The following C17orf67 variants were observed in gnomAD, a reference collection of about 807,000 sequenced individuals.
C17orf67 encodes the protein uncharacterized protein C17orf67.
A neutral mutation model predicts 11.2 loss-of-function variants in C17orf67; 12 were observed. The ratio of observed to expected loss-of-function variants is 1.07; its 90% confidence interval spans 0.68 to 1.73. The LOEUF (loss-of-function observed/expected upper bound fraction) is 1.73, where lower values mean the gene tolerates loss of function less well. Ranked by LOEUF, C17orf67 falls within the 40% of genes most tolerant of loss-of-function variation. The probability of loss-of-function intolerance (pLI) is 0.00; values close to 1 mark genes in which losing one functional copy is unlikely to be tolerated. For synonymous variants in C17orf67, 59 were observed against 46.9 expected, an observed-to-expected ratio of 1.26 and a Z score of -1.05; for missense variants, 115 against 113.5, an observed-to-expected ratio of 1.01 and a Z score of -0.06.
At chr17:56,806,686 T>C (rs1451531558) in intron 6 of C17orf67, among the ~76,000 whole-genome samples, 1 of 152,160 alleles carries the variant, frequency 6.6e-6, no homozygotes, top group Non-Finnish European at 1.5e-5. Flanking sequence ...CCACCCCACC[T>C]GACCAGGACT....
intron 6 of C17orf67, among the ~76,000 whole-genome samples, chr17:56,809,301 T>G (rs1435526623): frequency 1.3e-5 from 2 of 151,896 alleles, no homozygotes; most frequent in African/African-American, 4.8e-5. Flanking sequence ...CACAGCTCCC[T>G]ACTGTGTACA....
intron 2 of C17orf67, among the ~76,000 whole-genome samples, chr17:56,828,115 A>AT: frequency 6.6e-6 from 1 of 151,114 alleles, no homozygotes; most frequent in East Asian, 2.0e-4. Context: ...CTCAAAAAAA[A>AT]AAAAAAAAAG....
chr17:56,805,198 G>A lies in C17orf67; in HGVS notation c.156+9671C>T, dbSNP rs993338916. On this transcript the variant is annotated intron_variant, in intron 6 of 7. Coordinates refer to ENST00000397861, the MANE Select transcript of C17orf67 (RefSeq NM_001085430.4). ...TCTGATTTACTAGGGGGAGGCACCA[G>A]AAAGGCCTCTCAAAAACGACATCAT... Among the ~76,000 whole-genome samples the A allele has an allele frequency of 2.0e-5, 3 of 152,216 alleles. No individual in the cohort carries two copies. The East Asian group carries it at 5.8e-4, about 29-fold the overall frequency.
chr17:56,813,824 A>T (rs954388073), intron 6 of C17orf67, among the ~76,000 whole-genome samples: 2 of 151,182 alleles, frequency 1.3e-5, no homozygotes, highest in Non-Finnish European at 3.0e-5. Flanking sequence ...ATTATTATTT[A>T]TAATAATAAT....
chr17:56,833,498 G>T (rs1032955639), intron 1 of C17orf67, 120 bp downstream of exon 1: 4 of 150,722 alleles, frequency 2.7e-5, no homozygotes, highest in Admixed American at 2.6e-4. Flanking sequence ...ACCGCGGCCG[G>T]GCTCGGGGTC....
chr17:56,792,515 AGTGGTG>A (rs111716809), intron 7 of C17orf67, among the ~76,000 whole-genome samples, 163 bp from the exon 8 acceptor site: 129 of 73,632 alleles, frequency 1.8e-3, no homozygotes, highest in African/African-American at 6.4e-3. Flanking sequence ...TAATGATGAT[AGTGGTG>A]GTGGTGGTGG....
intron 2 of C17orf67, among the ~76,000 whole-genome samples, chr17:56,829,972 A>G (rs1906147841): frequency 6.6e-6 from 1 of 152,220 alleles, no homozygotes; most frequent in Non-Finnish European, 1.5e-5. Flanking sequence ...CTCAACTGCA[A>G]TATTTTTTCT....
intron 6 of C17orf67, among the ~76,000 whole-genome samples, chr17:56,799,653 C>T (rs1332617770): frequency 4.6e-5 from 7 of 152,214 alleles, no homozygotes; most frequent in African/African-American, 1.7e-4. Context: ...AACTGCCAAA[C>T]TGTCTTCCAA....
rs1022399112 is a variant in C17orf67, at chr17:56,825,162, A to G, written c.-397T>C. 6.6e-6 allele frequency: 1 copy of G among 152,224 alleles called. No individual in the cohort carries two copies. Among genetic ancestry groups the G allele is most frequent in the Non-Finnish European group, 1.5e-5 (1 of 68,044 alleles). The allele number at this position is 152,224 out of a possible 1,614,324, so 9.4% of individuals were successfully genotyped here. A position where few individuals can be genotyped will look rare whatever the true frequency, so the allele number is the denominator to read the frequency against. On this transcript the variant is annotated 5_prime_UTR_variant, in exon 3 of 8. It removes the in-frame stop codon of an upstream open reading frame in the 5' UTR. Coordinates refer to ENST00000397861, the MANE Select transcript of C17orf67 (RefSeq NM_001085430.4). The stretch of plus-strand genomic sequence containing the variant: ...AGACCTGGTCAGGACCACAGAATCT[A>G]TATTTTAAAATGATGCTGATGCAGG...
intron 2 of C17orf67, among the ~76,000 whole-genome samples, chr17:56,829,735 GAGCACATC>G (rs780622894): frequency 6.6e-6 from 1 of 152,128 alleles, no homozygotes; most frequent in Non-Finnish European, 1.5e-5. Flanking sequence ...GGAGACCCTG[GAGCACATC>G]AGCAAAGTCT....
chr17:56,807,087 T>C (rs924453495), intron 6 of C17orf67, among the ~76,000 whole-genome samples: 1 of 152,108 alleles, frequency 6.6e-6, no homozygotes, highest in African/African-American at 2.4e-5. Flanking sequence ...AGGCTGGAGA[T>C]AGAAGTGTGT....
At chr17:56,820,767 CTTTTTTTT>C (rs746734939) in intron 4 of C17orf67, among the ~76,000 whole-genome samples, 12 of 122,510 alleles carry the variant, frequency 9.8e-5, no homozygotes, top group South Asian at 2.7e-4. Flanking sequence ...GTGAGTTTCC[CTTTTTTTT>C]TTTTTTTTTT....
At chr17:56,823,542 C>T (rs1905955811) in intron 4 of C17orf67, among the ~76,000 whole-genome samples, 1 of 151,950 alleles carries the variant, frequency 6.6e-6, no homozygotes, top group African/African-American at 2.4e-5. Context: ...GTTCAGAAAA[C>T]AAATTAACCA....
At chr17:56,804,624 T>C (rs1905402296) in intron 6 of C17orf67, among the ~76,000 whole-genome samples, 1 of 152,148 alleles carries the variant, frequency 6.6e-6, no homozygotes, top group Non-Finnish European at 1.5e-5. Context: ...CTACTTACAA[T>C]AAAGCTAAAA....
At chr17:56,824,313 C>A (rs1905974663) in intron 4 of C17orf67, among the ~76,000 whole-genome samples, 1 of 152,228 alleles carries the variant, frequency 6.6e-6, no homozygotes, top group Non-Finnish European at 1.5e-5. Context: ...TGACACAGAG[C>A]AAAAGCCCTC....
rs1905191956 is a variant in C17orf67 at position 56,795,287 on chromosome 17, A to G, written c.157-107T>C. 3 of 960,690 alleles carry G rather than the reference A, an allele frequency of 3.1e-6. No individual in the cohort carries two copies. In the African/African-American group the frequency reaches 4.8e-5, roughly 15 times the overall value. 59.5% of individuals were successfully genotyped at this position (960,690 alleles called of 1,614,324 possible). On this transcript the variant is annotated intron_variant, in intron 6 of 7. Transcript: ENST00000397861. ...CCTAGACAGGGCAGGATGGGAGGAC[A>G]GGCAGGGAGAAGAAATCAACGGCCA...
intron 6 of C17orf67, among the ~76,000 whole-genome samples, chr17:56,809,518 C>A (rs1905537442): frequency 6.6e-6 from 1 of 150,834 alleles, no homozygotes; most frequent in African/African-American, 2.4e-5. Flanking sequence ...ACACCCCTCA[C>A]ACATACACCC....
chr17:56,812,314 T>C (rs935130763), intron 6 of C17orf67, among the ~76,000 whole-genome samples: 5 of 152,168 alleles, frequency 3.3e-5, no homozygotes, highest in East Asian at 1.9e-4. Flanking sequence ...GTAGGGTGTT[T>C]AGCAGCATCC....
In C17orf67 at chr17:56,826,904, G is replaced by A. The variant is rs552667087; in HGVS notation, c.-556-1583C>T. Among the ~76,000 whole-genome samples the A allele has an allele frequency of 2.0e-5, 3 of 152,330 alleles. No individual in the cohort carries two copies. The South Asian group carries it at 6.2e-4, about 32-fold the overall frequency. ...ATGGTGCATAGCAAGTGCAGAGATG[G>A]AAGCAGGGTGCAGTACCTGTAAACA... On this transcript the variant is annotated intron_variant, in intron 2 of 7. Coordinates refer to ENST00000397861, the MANE Select transcript of C17orf67 (RefSeq NM_001085430.4).
Sources: gnomAD v4.1 joint callset for allele counts (sites outside exome capture counted in the v4.1 genomes callset) on GRCh38, gnomAD v4.1.1 for gene constraint, MANE v1.5 for transcripts, NCBI Gene and HGNC (gene_info 2026-07-23, HGNC 2026-07-21) for gene names.